Variants in COL5A2 observed in about 807,000 individuals in gnomAD.
COL5A2 encodes collagen type V alpha 2 chain.
Under a neutral mutation model 208.2 loss-of-function variants are expected in COL5A2, and 23 were observed. The observed-to-expected ratio is 0.11, with a 90% CI of 0.08 to 0.16. The LOEUF is 0.16. Among genes scored for constraint, COL5A2 ranks in the 10% least tolerant of loss-of-function variants. The pLI is 1.00. For missense variants in COL5A2, 1,590 were observed against 1,956.4 expected, an observed-to-expected ratio of 0.81 and a Z score of 3.53; for synonymous variants, 625 against 628.5, an observed-to-expected ratio of 0.99 and a Z score of 0.08.
At chr2:189,270,842 A>G in the COL5A2 span, among the ~76,000 whole-genome samples, 1 of 152,192 alleles carries the variant, frequency 6.6e-6, no homozygotes, top group South Asian at 2.1e-4. Flanking sequence ...AAAAATCACA[A>G]GCATTCCTAT....
At chr2:189,108,318 A>G (rs1450868682) in intron 2 of COL5A2, among the ~76,000 whole-genome samples, 1 of 151,836 alleles carries the variant, frequency 6.6e-6, no homozygotes, top group Non-Finnish European at 1.5e-5. Flanking sequence ...TATAGAAACA[A>G]TAACCCCACA....
chr2:189,223,171 C>T (rs1468483045), intron 1 of COL5A2, among the ~76,000 whole-genome samples: 1 of 152,108 alleles, frequency 6.6e-6, no homozygotes, highest in African/African-American at 2.4e-5. Context: ...ATGACTTACA[C>T]AAAAAATCTC....
chr2:189,373,718 T>C, the COL5A2 span, among the ~76,000 whole-genome samples: 3 of 152,174 alleles, frequency 2.0e-5, no homozygotes, highest in African/African-American at 4.8e-5. Flanking sequence ...TCTCACAATA[T>C]GTGAAACTAA....
chr2:189,335,805 A>C, the COL5A2 span, among the ~76,000 whole-genome samples: 9 of 152,086 alleles, frequency 5.9e-5, no homozygotes, highest in Non-Finnish European at 1.3e-4. Flanking sequence ...TATATCTGAG[A>C]TGTGATGAAA....
At chr2:189,197,305 GAGAGC>G (rs934275728) in intron 1 of COL5A2, among the ~76,000 whole-genome samples, 2 of 152,136 alleles carry the variant, frequency 1.3e-5, no homozygotes, top group Non-Finnish European at 2.9e-5. Flanking sequence ...CGATGGGAGA[GAGAGC>G]ATTAGGACAA....
the COL5A2 span, among the ~76,000 whole-genome samples, chr2:189,318,438 C>G: frequency 6.6e-6 from 1 of 152,260 alleles, no homozygotes; most frequent in African/African-American, 2.4e-5. Context: ...CCTCTACATG[C>G]CTTATTCTTC....
Position 189,078,561 on chromosome 2 carries a change from C to T in COL5A2, c.1014G>A (p.Arg338=), listed in dbSNP as rs1559093308. 1.2e-6 allele frequency: 2 copies of T among 1,612,442 alleles called. No homozygotes were observed. The highest frequency in any genetic ancestry group is 8.5e-7 in the Non-Finnish European group (1 of 1,178,750). Residue 338 remains arginine, a synonymous_variant, in exon 16 of 54, where the codon AGG becomes AGA. Coordinates refer to ENST00000374866, the MANE Select transcript of COL5A2 (RefSeq NM_000393.5). ...PMGAMGPLGP[R]GMPGERGRLG... is the part of the protein sequence containing the mutation. The stretch of plus-strand genomic sequence containing the variant: ...GTCTCCCTCTCTCTCCTGGCATTCC[C>T]CTCGGACCCTATAGACGATAGAGAA...
At chr2:189,393,408 ATTCT>A in the COL5A2 span, among the ~76,000 whole-genome samples, 49 of 152,264 alleles carry the variant, frequency 3.2e-4, no homozygotes, top group Non-Finnish European at 5.1e-4. Flanking sequence ...AATCTCATTA[ATTCT>A]TTTTTTAATA....
intron 1 of COL5A2, among the ~76,000 whole-genome samples, chr2:189,224,090 G>T (rs2105881537): frequency 6.6e-6 from 1 of 151,774 alleles, no homozygotes; most frequent in Middle Eastern, 3.4e-3. Context: ...TGAGAGAGAA[G>T]AAGAAAAAGA....
the COL5A2 span, among the ~76,000 whole-genome samples, chr2:189,389,502 G>C: frequency 1.3e-5 from 2 of 152,026 alleles, no homozygotes; most frequent in African/African-American, 2.4e-5. Context: ...TTCTTTCTCA[G>C]ACAATTTATC....
intron 1 of COL5A2, among the ~76,000 whole-genome samples, chr2:189,166,167 A>G (rs1688459661): frequency 6.6e-6 from 1 of 152,098 alleles, no homozygotes; most frequent in African/African-American, 2.4e-5. Context: ...CCACCTGTCC[A>G]TTGGTATCAC....
chr2:189,274,006 C>CAT, the COL5A2 span, among the ~76,000 whole-genome samples: 1 of 144,292 alleles, frequency 6.9e-6, no homozygotes, highest in Admixed American at 6.9e-5. Context: ...GTATTCTTAC[C>CAT]ACAAAAAAAA....
At position 189,116,243 on chromosome 2, in the gene COL5A2, C is replaced by T. The variant is rs182388169; in HGVS notation, c.98-5794G>A. 9.3e-4 allele frequency among the ~76,000 whole-genome samples: 142 copies of T among 152,272 alleles called. 1 individual carries two copies. The highest frequency in any genetic ancestry group is 2.8e-3 in the African/African-American group (117 of 41,552). ...AAGGAGGAGGTAATAAAGCCGCCCA[C>T]GTGTCAGTCTGGATGCCACAGATGC... is the stretch of plus-strand genomic sequence containing the variant. On this transcript the variant is annotated intron_variant, in intron 1 of 53. Coordinates refer to ENST00000374866, the MANE Select transcript of COL5A2 (RefSeq NM_000393.5).
At chr2:189,282,532 C>T in the COL5A2 span, among the ~76,000 whole-genome samples, 1 of 152,080 alleles carries the variant, frequency 6.6e-6, no homozygotes, top group Non-Finnish European at 1.5e-5. Flanking sequence ...ACTTGTAATA[C>T]TGAAATAATA....
chr2:189,134,417 C>T (rs1240660501), intron 1 of COL5A2, among the ~76,000 whole-genome samples: 2 of 152,098 alleles, frequency 1.3e-5, no homozygotes, highest in East Asian at 1.9e-4. Flanking sequence ...GGCGAAACCC[C>T]GTCTCCACTA....
At chr2:189,080,594 G>A (rs1172189828) in intron 13 of COL5A2, among the ~76,000 whole-genome samples, 1 of 152,048 alleles carries the variant, frequency 6.6e-6, no homozygotes, top group Non-Finnish European at 1.5e-5. Context: ...TGCTTTCCAA[G>A]TCTAGGTAGA....
chr2:189,351,945 C>A, the COL5A2 span, among the ~76,000 whole-genome samples: 1 of 151,994 alleles, frequency 6.6e-6, no homozygotes, highest in Non-Finnish European at 1.5e-5. Context: ...TCTCCTAATG[C>A]CATCCCTCCC....
chr2:189,394,063 C>T, the COL5A2 span, among the ~76,000 whole-genome samples: 3 of 152,172 alleles, frequency 2.0e-5, no homozygotes, highest in African/African-American at 7.2e-5. Flanking sequence ...CCTAATCACA[C>T]ATTCCTATGG....
intron 46 of COL5A2, 89 bp from the exon 47 acceptor site, chr2:189,045,321 G>T: frequency 1.3e-6 from 1 of 791,656 alleles, no homozygotes; most frequent in Non-Finnish European, 2.2e-6. Flanking sequence ...TACGTTTATA[G>T]TTGGATGCAT....
Sources: allele counts gnomAD v4.1 joint callset (sites outside exome capture counted in the v4.1 genomes callset), GRCh38; gene constraint gnomAD v4.1.1; transcripts MANE v1.5; gene names NCBI Gene and HGNC (gene_info 2026-07-23, HGNC 2026-07-21).